Variants in PTK2B observed in about 807,000 individuals in gnomAD.
PTK2B encodes protein-tyrosine kinase 2-beta.
A neutral mutation model predicts 142.9 loss-of-function variants in PTK2B; 71 were observed. The observed-to-expected ratio is 0.50, with a 90% CI of 0.41 to 0.61. PTK2B has a LOEUF of 0.61. Ranked by LOEUF, PTK2B falls within the 20% of genes least tolerant of loss-of-function variation. The pLI is 0.00. For synonymous variants in PTK2B, 519 were observed against 503.4 expected, an observed-to-expected ratio of 1.03 and a Z score of -0.42; for missense variants, 1,105 against 1,320.4, an observed-to-expected ratio of 0.84 and a Z score of 2.53.
intron 13 of PTK2B, among the ~76,000 whole-genome samples, chr8:27,435,010 A>G (rs1453818695): frequency 6.6e-6 from 1 of 152,166 alleles, no homozygotes; most frequent in African/African-American, 2.4e-5. Flanking sequence ...AAAAAAAAAA[A>G]TCATGAGTAG....
At chr8:27,397,831 G>A in intron 2 of PTK2B, 43 bp downstream of exon 2, 1 of 1,602,914 alleles carries the variant, frequency 6.2e-7, no homozygotes, top group East Asian at 2.2e-5. Context: ...CTGTCCCTCT[G>A]TCTTCTTCCT....
chr8:27,350,533 T>C (rs181173949), intron 1 of PTK2B, among the ~76,000 whole-genome samples: 6 of 151,810 alleles, frequency 4.0e-5, no homozygotes, highest in Admixed American at 6.6e-5. Context: ...CTTGCTGTTA[T>C]ACATTCTCCA....
chr8:27,372,485 T>G (rs913401553), intron 1 of PTK2B, among the ~76,000 whole-genome samples: 1 of 152,168 alleles, frequency 6.6e-6, no homozygotes, highest in African/African-American at 2.4e-5. Flanking sequence ...TTTGTTCTAT[T>G]TAGGCCTTTA....
At chr8:27,446,515 C>A (rs966640605) in intron 24 of PTK2B, among the ~76,000 whole-genome samples, 16 of 152,282 alleles carry the variant, frequency 1.1e-4, no homozygotes, top group Middle Eastern at 3.4e-3. Context: ...CGGAGTGCTT[C>A]ATGGCTGGCT....
At chr8:27,427,974 CTAT>C (rs1810187821) in intron 5 of PTK2B, among the ~76,000 whole-genome samples, 1 of 152,076 alleles carries the variant, frequency 6.6e-6, no homozygotes, top group Non-Finnish European at 1.5e-5. Context: ...TACTTTATTT[CTAT>C]TATTATTACA....
chr8:27,425,744 C>T (rs75541593), intron 5 of PTK2B, among the ~76,000 whole-genome samples: 3,806 of 152,254 alleles, frequency 0.025, 171 homozygotes, highest in African/African-American at 0.087. Flanking sequence ...AGAGTAGTTT[C>T]ACTGCCCTAA....
chr8:27,311,314 C>G (rs1362173719), upstream of PTK2B: 1 of 1,425,680 alleles, frequency 7.0e-7, no homozygotes, highest in African/African-American at 1.4e-5. Context: ...GCCCGCGACC[C>G]GAGTGCTGGG....
intron 4 of PTK2B, among the ~76,000 whole-genome samples, 190 bp downstream of exon 4, chr8:27,420,934 A>C (rs922234065): frequency 2.0e-5 from 3 of 152,136 alleles, no homozygotes; most frequent in African/African-American, 7.2e-5. Flanking sequence ...CTCAGTATTT[A>C]AGCACTGGCT....
intron 3 of PTK2B, among the ~76,000 whole-genome samples, chr8:27,315,366 C>G (rs897533556): frequency 6.6e-6 from 1 of 152,166 alleles, no homozygotes; most frequent in Non-Finnish European, 1.5e-5. Flanking sequence ...ATTCACCCAA[C>G]AAGTTGTTGG....
At chr8:27,420,152 G>A in intron 3 of PTK2B, 79 bp downstream of exon 3, 2 of 1,529,710 alleles carry the variant, frequency 1.3e-6, no homozygotes, top group Non-Finnish European at 1.8e-6. Flanking sequence ...TTCTCCCTTA[G>A]AGCACTCCCC....
At chr8:27,431,753 C>G (rs1033804844) in intron 9 of PTK2B, among the ~76,000 whole-genome samples, 1 of 152,212 alleles carries the variant, frequency 6.6e-6, no homozygotes, top group African/African-American at 2.4e-5. Flanking sequence ...CAGTGTTGCT[C>G]TTTCAGTGAC....
At chr8:27,453,328 G>A (rs1293967200) in intron 28 of PTK2B, among the ~76,000 whole-genome samples, 168 bp downstream of exon 28, 1 of 152,110 alleles carries the variant, frequency 6.6e-6, no homozygotes, top group African/African-American at 2.4e-5. Context: ...CCTTGCCTAA[G>A]GCCACACAGC....
At chr8:27,323,478 G>C (rs1380781410), upstream of PTK2B, 2 of 152,330 alleles carry the variant, frequency 1.3e-5, no homozygotes, top group African/African-American at 4.8e-5. Context: ...ATGGCACTTG[G>C]TCAGCTTGAG....
chr8:27,385,265 G>T (rs577452357), intron 1 of PTK2B, among the ~76,000 whole-genome samples: 1 of 152,208 alleles, frequency 6.6e-6, no homozygotes, highest in Non-Finnish European at 1.5e-5. Flanking sequence ...GAGCCCTTTG[G>T]CATGGAGAGC....
intron 1 of PTK2B, among the ~76,000 whole-genome samples, chr8:27,361,304 G>A (rs564448282): frequency 1.3e-5 from 2 of 152,156 alleles, no homozygotes; most frequent in South Asian, 2.1e-4. Context: ...CTACAGCCTC[G>A]AACTCCTGGG....
At chr8:27,454,312 G>T (rs1812009290) in intron 29 of PTK2B, 21 bp downstream of exon 29, 1 of 1,606,280 alleles carries the variant, frequency 6.2e-7, no homozygotes, top group Non-Finnish European at 8.5e-7. Flanking sequence ...GGCTGGGTTG[G>T]GGAGGTGGAG....
At chr8:27,451,752 C>G (rs928169109) in intron 27 of PTK2B, 6 of 1,371,574 alleles carry the variant, frequency 4.4e-6, no homozygotes, top group African/African-American at 3.0e-5. Context: ...TAGGCCCCTC[C>G]TCAGATCATC....
At chr8:27,357,072 T>TA (rs112892318) in intron 1 of PTK2B, among the ~76,000 whole-genome samples, 13 of 152,116 alleles carry the variant, frequency 8.5e-5, no homozygotes, top group Admixed American at 2.6e-4. Flanking sequence ...TGAATCCATG[T>TA]AAAAAAAATA....
intron 2 of PTK2B, among the ~76,000 whole-genome samples, chr8:27,400,173 T>C (rs1563253237): frequency 6.6e-6 from 1 of 152,306 alleles, no homozygotes; most frequent in East Asian, 1.9e-4. Flanking sequence ...TGTTAAGAAG[T>C]GTGCCCTCGG....
Sources: gnomAD v4.1 joint callset for allele counts (sites outside exome capture counted in the v4.1 genomes callset) on GRCh38, gnomAD v4.1.1 for gene constraint, MANE v1.5 for transcripts, NCBI Gene and HGNC (gene_info 2026-07-23, HGNC 2026-07-21) for gene names.